PCDH11Y: variants seen among roughly 807,000 people sequenced by gnomAD.
The protein encoded by PCDH11Y is protocadherin 11 Y-linked.
For synonymous variants in PCDH11Y, 9 were observed against 83.6 expected, an observed-to-expected ratio of 0.11 and a Z score of 4.87; for missense variants, 12 against 224.8, an observed-to-expected ratio of 0.05 and a Z score of 6.05.
chrY:5,408,456 T>G, intron 2 of PCDH11Y, among the ~76,000 whole-genome samples: 3 of 33,670 alleles, frequency 8.9e-5, no homozygotes, highest in Admixed American at 8.1e-4. Flanking sequence ...TTATTTATTT[T>G]GAGATGGTGT....
At position 5,471,755 on chromosome Y, in the gene PCDH11Y, C is replaced by T. The variant is rs2053314121; in HGVS notation, c.3130-29302C>T. Among the ~76,000 whole-genome samples the T allele has an allele frequency of 9.2e-5, 3 of 32,485 alleles. No individual in the cohort carries two copies. The East Asian group carries it at 2.4e-3, about 26-fold the overall frequency. The allele number at this position is 32,485 out of a possible 37,273, so 87.2% of individuals were successfully genotyped here. On this transcript the variant is annotated intron_variant, in intron 2 of 4. Transcript: ENST00000400457. Reference sequence around the variant, plus strand: ...TATACATTGTATACAGTGCTTTATACTTTATACTTTGTATACAGTGCTTTA... The same window carrying T: ...TATACATTGTATACAGTGCTTTATATTTTATACTTTGTATACAGTGCTTTA...
At chrY:5,112,315 T>A in intron 2 of PCDH11Y, among the ~76,000 whole-genome samples, 2 of 32,691 alleles carry the variant, frequency 6.1e-5, no homozygotes, top group African/African-American at 2.4e-4. Flanking sequence ...TTTTGTTATC[T>A]AAGTACTAGT....
chrY:5,205,519 C>A (rs2052930647), intron 2 of PCDH11Y, among the ~76,000 whole-genome samples: 1 of 23,940 alleles, frequency 4.2e-5, no homozygotes, highest in Non-Finnish European at 9.2e-5. Flanking sequence ...TATATATACA[C>A]TGAATATATA....
intron 2 of PCDH11Y, among the ~76,000 whole-genome samples, chrY:5,219,808 C>CA (rs2052950746): frequency 2.1e-4 from 7 of 32,901 alleles, no homozygotes; most frequent in African/African-American, 4.7e-4. Context: ...AAAAAACAAA[C>CA]AAAAAAAACA....
chrY:5,642,153 T>C, intron 4 of PCDH11Y, among the ~76,000 whole-genome samples: 1 of 33,122 alleles, frequency 3.0e-5, no homozygotes, highest in African/African-American at 1.2e-4. Flanking sequence ...TTCTCAGCAG[T>C]TAAGATTTGG....
chrY:5,078,009 A>G, intron 1 of PCDH11Y, among the ~76,000 whole-genome samples: 1 of 32,104 alleles, frequency 3.1e-5, no homozygotes, highest in Non-Finnish European at 7.5e-5. Context: ...TGCATTAGCT[A>G]GTTAGCTGAT....
At chrY:5,226,711 A>C in intron 2 of PCDH11Y, among the ~76,000 whole-genome samples, 4 of 32,015 alleles carry the variant, frequency 1.2e-4, no homozygotes, top group Non-Finnish European at 3.0e-4. Context: ...GCCTTTCCCC[A>C]TGATATGTTC....
intron 3 of PCDH11Y, among the ~76,000 whole-genome samples, chrY:5,532,654 G>GT (rs2053395540): frequency 1.3e-3 from 34 of 26,344 alleles, no homozygotes; most frequent in Admixed American, 6.4e-3. Context: ...GTTGGGCTTT[G>GT]TTTTTTTTTG....
At chrY:5,116,657 G>C (rs61151369) in intron 2 of PCDH11Y, among the ~76,000 whole-genome samples, 5,080 of 32,772 alleles carry the variant, frequency 0.16, no homozygotes, top group African/African-American at 0.6. Flanking sequence ...CTTTTAATCT[G>C]ATAGAGGCCA....
At chrY:5,043,378 T>G in intron 3 of PCDH11Y, among the ~76,000 whole-genome samples, 1 of 33,259 alleles carries the variant, frequency 3.0e-5, no homozygotes, top group Non-Finnish European at 7.5e-5. Flanking sequence ...TCATGTGGTT[T>G]TTGTCTTTGG....
At chrY:5,410,893 C>T (rs2053246901) in intron 2 of PCDH11Y, among the ~76,000 whole-genome samples, 1 of 32,821 alleles carries the variant, frequency 3.0e-5, no homozygotes, top group Non-Finnish European at 7.4e-5. Context: ...GCATAGTATT[C>T]CATGATACAT....
chrY:5,664,532 C>G, intron 4 of PCDH11Y, among the ~76,000 whole-genome samples: 1 of 31,827 alleles, frequency 3.1e-5, no homozygotes, highest in Non-Finnish European at 7.6e-5. Flanking sequence ...GACATGTAGT[C>G]TATCAAATAA....
intron 2 of PCDH11Y, among the ~76,000 whole-genome samples, chrY:5,189,033 T>C: frequency 3.0e-5 from 1 of 33,723 alleles, no homozygotes; most frequent in Non-Finnish European, 7.4e-5. Context: ...AACACTGTTT[T>C]GTTAGCAGGT....
chrY:5,398,412 G>A, intron 2 of PCDH11Y, among the ~76,000 whole-genome samples: 3 of 31,574 alleles, frequency 9.5e-5, no homozygotes, highest in East Asian at 1.7e-3. Flanking sequence ...ATCAACCTAC[G>A]TATGTAAATT....
At chrY:5,186,943 G>A (rs2052906709) in intron 2 of PCDH11Y, among the ~76,000 whole-genome samples, 1 of 34,045 alleles carries the variant, frequency 2.9e-5, no homozygotes, top group African/African-American at 1.1e-4. Flanking sequence ...GGGTCAACAG[G>A]TGTTGGGTAA....
At chrY:5,627,891 T>G in intron 4 of PCDH11Y, among the ~76,000 whole-genome samples, 2 of 32,956 alleles carry the variant, frequency 6.1e-5, no homozygotes, top group African/African-American at 1.2e-4. Flanking sequence ...TGCCTGAAAA[T>G]AATTTTGTAT....
chrY:5,424,598 T>C (rs2124679844), intron 2 of PCDH11Y, among the ~76,000 whole-genome samples: 1 of 34,486 alleles, frequency 2.9e-5, no homozygotes, highest in East Asian at 7.6e-4. Context: ...CATCACCGCA[T>C]TCTAAAATCT....
chrY:5,014,419 G>A, intron 1 of PCDH11Y, among the ~76,000 whole-genome samples: 2 of 32,396 alleles, frequency 6.2e-5, no homozygotes, highest in Non-Finnish European at 1.5e-4. Context: ...ATCTTATTCG[G>A]CAAAACTATT....
At chrY:5,163,749 A>G (rs1602878456) in intron 2 of PCDH11Y, among the ~76,000 whole-genome samples, 1 of 33,246 alleles carries the variant, frequency 3.0e-5, no homozygotes, top group Non-Finnish European at 7.5e-5. Context: ...CTGATGTTAT[A>G]CTTCCTGTAC....
Sources: gnomAD v4.1 joint callset for allele counts (sites outside exome capture counted in the v4.1 genomes callset) on GRCh38, gnomAD v4.1.1 for gene constraint, MANE v1.5 for transcripts, NCBI Gene and HGNC (gene_info 2026-07-23, HGNC 2026-07-21) for gene names.